The following AOPEP variants were observed in gnomAD, a reference collection of about 807,000 sequenced individuals.
AOPEP encodes the protein aminopeptidase O.
AOPEP carries 77 observed loss-of-function variants against 98.1 expected under a neutral mutation model. The ratio of observed to expected loss-of-function variants is 0.78; its 90% confidence interval spans 0.65 to 0.95. The LOEUF is 0.95. Among genes scored for constraint, AOPEP ranks in the 40% least tolerant of loss-of-function variants. The pLI is 0.00. For missense variants in AOPEP, 1,024 were observed against 1,024.7 expected, an observed-to-expected ratio of 1.00 and a Z score of 0.01; for synonymous variants, 346 against 365.3, an observed-to-expected ratio of 0.95 and a Z score of 0.60.
At chr9:95,039,887 C>T (rs2065140978) in intron 13 of AOPEP, among the ~76,000 whole-genome samples, 1 of 152,174 alleles carries the variant, frequency 6.6e-6, no homozygotes, top group African/African-American at 2.4e-5. Flanking sequence ...TTTGTAAAAA[C>T]AGGTTTCAGG....
chr9:95,111,292 C>G, the AOPEP span: 5 of 1,576,124 alleles, frequency 3.2e-6, no homozygotes, highest in South Asian at 5.7e-5. Context: ...GAGAACGCCT[C>G]TGACCACAAG....
chr9:94,747,257 C>T (rs141779883), intron 1 of AOPEP, among the ~76,000 whole-genome samples: 1 of 152,246 alleles, frequency 6.6e-6, no homozygotes, highest in Non-Finnish European at 1.5e-5. Context: ...TGTGGTAATC[C>T]TGCAAAGTGC....
At chr9:94,990,661 GT>G (rs1469977943) in intron 11 of AOPEP, among the ~76,000 whole-genome samples, 1 of 151,868 alleles carries the variant, frequency 6.6e-6, no homozygotes, top group Non-Finnish European at 1.5e-5. Flanking sequence ...GAGTTTCACT[GT>G]CGCCCAGGCT....
intron 5 of AOPEP, among the ~76,000 whole-genome samples, chr9:94,867,976 C>T (rs556665963): frequency 6.6e-6 from 1 of 152,288 alleles, no homozygotes; most frequent in African/African-American, 2.4e-5. Flanking sequence ...TAAATCCTTC[C>T]TGTTTTCTCA....
chr9:95,093,860 T>G, the AOPEP span, among the ~76,000 whole-genome samples: 1 of 152,216 alleles, frequency 6.6e-6, no homozygotes, highest in Non-Finnish European at 1.5e-5. Flanking sequence ...GTCCCAGCCC[T>G]GCTAGATGGC....
chr9:95,093,658 T>C, the AOPEP span, among the ~76,000 whole-genome samples: 1 of 152,232 alleles, frequency 6.6e-6, no homozygotes, highest in Non-Finnish European at 1.5e-5. Flanking sequence ...ATGAAGTTGA[T>C]TACCGTCTCC....
intron 7 of AOPEP, among the ~76,000 whole-genome samples, chr9:94,937,584 C>T (rs2056454713): frequency 1.3e-5 from 2 of 152,312 alleles, no homozygotes; most frequent in Admixed American, 6.5e-5. Flanking sequence ...CTACCATCTG[C>T]CTGCTCTTTC....
At chr9:94,952,432 A>C (rs1237837683) in intron 7 of AOPEP, among the ~76,000 whole-genome samples, 1 of 151,872 alleles carries the variant, frequency 6.6e-6, no homozygotes, top group African/African-American at 2.4e-5. Flanking sequence ...GTCTGTCAAC[A>C]CTCCCTCCCA....
chr9:95,038,407 C>T (rs949208981), intron 13 of AOPEP, among the ~76,000 whole-genome samples: 4 of 152,286 alleles, frequency 2.6e-5, no homozygotes, highest in African/African-American at 9.6e-5. Flanking sequence ...AATATAAACA[C>T]ATACACACCC....
chr9:95,007,760 A>G (rs2062148872), intron 13 of AOPEP, among the ~76,000 whole-genome samples: 1 of 152,176 alleles, frequency 6.6e-6, no homozygotes, highest in African/African-American at 2.4e-5. Flanking sequence ...TGCCACACCT[A>G]GGAGAAGATT....
Position 94,732,663 on chromosome 9 carries a change from G to A in AOPEP, c.-136+5912G>A, listed in dbSNP as rs574626908. 6.6e-5 allele frequency among the ~76,000 whole-genome samples: 10 copies of A among 152,200 alleles called. No homozygotes were observed. The East Asian group carries it at 7.7e-4, about 12-fold the overall frequency. ...AAGAGTGATGACTAGGATTTCATAC[G>A]GACCTGATTTGTTTTGGTGTTTAGG... On this transcript the variant is annotated intron_variant, in intron 1 of 16. Coordinates refer to ENST00000375315, the MANE Select transcript of AOPEP (RefSeq NM_001193329.3).
At chr9:95,110,032 C>G in the AOPEP span, among the ~76,000 whole-genome samples, 1 of 152,180 alleles carries the variant, frequency 6.6e-6, no homozygotes, top group Non-Finnish European at 1.5e-5. Flanking sequence ...AACTGCCAGG[C>G]AGATGGGCAC....
At chr9:95,026,183 C>CTG (rs776249355) in intron 13 of AOPEP, among the ~76,000 whole-genome samples, 6 of 152,312 alleles carry the variant, frequency 3.9e-5, no homozygotes, top group Non-Finnish European at 7.4e-5. Flanking sequence ...CAGGTTCTTT[C>CTG]TGTGTATATA....
At chr9:95,101,891 C>G in the AOPEP span, 2 of 1,612,196 alleles carry the variant, frequency 1.2e-6, no homozygotes, top group East Asian at 4.5e-5. Context: ...AAAACACTTT[C>G]CAGACAGATT....
At chr9:95,117,058 A>G in the AOPEP span, among the ~76,000 whole-genome samples, 1 of 152,354 alleles carries the variant, frequency 6.6e-6, no homozygotes, top group East Asian at 1.9e-4. Context: ...ATCTGGAGGC[A>G]GACTAGCAAC....
intron 7 of AOPEP, among the ~76,000 whole-genome samples, chr9:94,944,557 A>T (rs765781079): frequency 6.6e-6 from 1 of 152,146 alleles, no homozygotes; most frequent in Non-Finnish European, 1.5e-5. Flanking sequence ...CAAAAAGTAG[A>T]TTTTTTATTT....
chr9:95,114,518 G>T, the AOPEP span: 1 of 964,246 alleles, frequency 1.0e-6, no homozygotes, highest in Non-Finnish European at 1.7e-6. Context: ...CCTGTTTGGT[G>T]ATGGTCCCAG....
intron 16 of AOPEP, among the ~76,000 whole-genome samples, chr9:95,083,696 C>T (rs1564620437): frequency 1.3e-5 from 2 of 151,906 alleles, no homozygotes; most frequent in East Asian, 3.9e-4. Context: ...ACACACCGCA[C>T]GCACCACACA....
At chr9:94,832,414 G>A (rs1014532840) in intron 5 of AOPEP, among the ~76,000 whole-genome samples, 1 of 152,162 alleles carries the variant, frequency 6.6e-6, no homozygotes, top group Admixed American at 6.5e-5. Flanking sequence ...GTTTGACAAC[G>A]TACTCTCTTG....
Sources: allele counts gnomAD v4.1 joint callset (sites outside exome capture counted in the v4.1 genomes callset), GRCh38; gene constraint gnomAD v4.1.1; transcripts MANE v1.5; gene names NCBI Gene and HGNC (gene_info 2026-07-23, HGNC 2026-07-21).